Variants in GALNT17 observed in about 807,000 individuals in gnomAD.
GALNT17 encodes polypeptide N-acetylgalactosaminyltransferase 17.
GALNT17 carries 29 observed loss-of-function variants against 63.7 expected under a neutral mutation model. The ratio of observed to expected loss-of-function variants is 0.46; its 90% CI spans 0.34 to 0.62. GALNT17 has a LOEUF of 0.62. Ranked by LOEUF, GALNT17 falls within the 20% of genes least tolerant of loss-of-function variation. The probability of loss-of-function intolerance (pLI) is 0.01; values close to 1 mark genes in which losing one functional copy is unlikely to be tolerated. For synonymous variants in GALNT17, 305 were observed against 318.3 expected (o/e 0.96, Z 0.45); for missense variants, 603 against 799.6 (o/e 0.75, Z 2.97).
intron 2 of GALNT17, among the ~76,000 whole-genome samples, chr7:71,380,474 C>T (rs1792824284): frequency 6.6e-6 from 1 of 151,842 alleles, no homozygotes; most frequent in Non-Finnish European, 1.5e-5. Flanking sequence ...TAGCCAACAC[C>T]ACACCCGGCT....
At chr7:71,520,559 T>G (rs1396204457) in intron 5 of GALNT17, among the ~76,000 whole-genome samples, 1 of 151,788 alleles carries the variant, frequency 6.6e-6, no homozygotes, top group East Asian at 1.9e-4. Context: ...GAATGAGACC[T>G]CTGGGCAGAG....
intron 2 of GALNT17, among the ~76,000 whole-genome samples, chr7:71,377,352 G>T (rs375103251): frequency 4.8e-5 from 1 of 20,914 alleles, no homozygotes; most frequent in Non-Finnish European, 9.2e-5. Flanking sequence ...GTGAATATTC[G>T]GAGAATATTC....
chr7:71,593,259 C>CTTTT (rs56193714), intron 6 of GALNT17, among the ~76,000 whole-genome samples: 1 of 70,992 alleles, frequency 1.4e-5, no homozygotes, highest in African/African-American at 5.6e-5. Context: ...ATTTTTCTTC[C>CTTTT]TTTTTTTTTT....
intron 6 of GALNT17, among the ~76,000 whole-genome samples, chr7:71,630,117 G>A (rs1790434188): frequency 1.4e-5 from 2 of 139,530 alleles, no homozygotes; most frequent in African/African-American, 2.7e-5. Flanking sequence ...GGGCAATGCT[G>A]AGACTAAAGC....
intron 3 of GALNT17, among the ~76,000 whole-genome samples, chr7:71,406,236 T>G (rs1347018986): frequency 1.3e-5 from 2 of 152,148 alleles, no homozygotes; most frequent in Admixed American, 1.3e-4. Flanking sequence ...AAATAGTGAT[T>G]GTCAGCAGAA....
At chr7:71,154,336 G>C (rs572750484) in intron 1 of GALNT17, among the ~76,000 whole-genome samples, 1 of 152,268 alleles carries the variant, frequency 6.6e-6, no homozygotes, top group East Asian at 1.9e-4. Flanking sequence ...CATCTTTCCA[G>C]CCTCCCCAGC....
At chr7:71,230,639 G>A (rs1334103270) in intron 1 of GALNT17, among the ~76,000 whole-genome samples, 12 of 152,236 alleles carry the variant, frequency 7.9e-5, no homozygotes, top group Non-Finnish European at 1.3e-4. Flanking sequence ...GCACAGTGCC[G>A]CTTAAGGAGC....
At chr7:71,152,853 G>A (rs1202485087) in intron 1 of GALNT17, among the ~76,000 whole-genome samples, 7 of 151,918 alleles carry the variant, frequency 4.6e-5, no homozygotes, top group Admixed American at 2.0e-4. Flanking sequence ...GGCTGGTCTC[G>A]AACTCCTGAC....
At chr7:71,322,356 A>C (rs1338341296) in intron 1 of GALNT17, among the ~76,000 whole-genome samples, 1 of 152,190 alleles carries the variant, frequency 6.6e-6, no homozygotes, top group Non-Finnish European at 1.5e-5. Flanking sequence ...TAATACATGT[A>C]AGACATGTCA....
Position 71,420,917 on chromosome 7 carries a change from G to T in GALNT17, c.774G>T (p.Pro258=). The T allele has an allele frequency of 6.2e-7, 1 of 1,614,088 alleles. No individual in the cohort carries two copies. Among genetic ancestry groups the T allele is most frequent in the Non-Finnish European group, 8.5e-7 (1 of 1,180,000 alleles). ...TTTCTCTATGTTTCAGGGCTGAGCCGGTTCTATCCCGCATCCAGGAAAACC... is the reference window on the plus strand; with the variant it reads ...TTTCTCTATGTTTCAGGGCTGAGCCTGTTCTATCCCGCATCCAGGAAAACC... ...HVEFTAGWAE[P]VLSRIQENRK... Residue 258 remains proline, a synonymous_variant, in exon 5 of 11, where the codon CCG becomes CCT. Coordinates refer to ENST00000333538, the MANE Select transcript of GALNT17 (RefSeq NM_022479.3).
chr7:71,455,502 TTTTG>T (rs1787338505), intron 5 of GALNT17, among the ~76,000 whole-genome samples: 1 of 70,510 alleles, frequency 1.4e-5, no homozygotes, highest in Non-Finnish European at 4.6e-5. Flanking sequence ...TGTTTTTTGT[TTTTG>T]TTTTTTTTTT....
chr7:71,477,746 A>T (rs1333260277), intron 5 of GALNT17, among the ~76,000 whole-genome samples: 1 of 152,132 alleles, frequency 6.6e-6, no homozygotes, highest in African/African-American at 2.4e-5. Context: ...TGTGTTGAGG[A>T]ATAAAAAATT....
intron 1 of GALNT17, among the ~76,000 whole-genome samples, chr7:71,178,229 T>C (rs1326838475): frequency 2.0e-5 from 3 of 152,198 alleles, no homozygotes; most frequent in East Asian, 1.9e-4. Flanking sequence ...TTTAAAGATA[T>C]CATTCTGTAG....
At chr7:71,380,503 G>T (rs1026395952) in intron 2 of GALNT17, among the ~76,000 whole-genome samples, 6 of 151,874 alleles carry the variant, frequency 4.0e-5, no homozygotes, top group Non-Finnish European at 7.4e-5. Context: ...AAATGTTTTT[G>T]TAGCGATGGG....
chr7:71,166,157 G>T (rs73188441), intron 1 of GALNT17, among the ~76,000 whole-genome samples: 1 of 152,190 alleles, frequency 6.6e-6, no homozygotes, highest in Admixed American at 6.5e-5. Flanking sequence ...GGACGTTGGC[G>T]CTCAATGTAG....
chr7:71,457,953 G>A (rs1324506465), intron 5 of GALNT17, among the ~76,000 whole-genome samples: 1 of 152,072 alleles, frequency 6.6e-6, no homozygotes, highest in Non-Finnish European at 1.5e-5. Flanking sequence ...CAGAACAGCA[G>A]GCATCTCCAG....
intron 1 of GALNT17, among the ~76,000 whole-genome samples, chr7:71,292,680 T>A (rs1456681472): frequency 2.8e-4 from 41 of 147,058 alleles, no homozygotes; most frequent in African/African-American, 1.0e-3. Context: ...TGTGTGTGTG[T>A]GTGTGTGTGT....
At chr7:71,281,917 T>C (rs1436287275) in intron 1 of GALNT17, among the ~76,000 whole-genome samples, 1 of 152,198 alleles carries the variant, frequency 6.6e-6, no homozygotes, top group Non-Finnish European at 1.5e-5. Context: ...GCTCACCTGC[T>C]GGAGACAATT....
chr7:71,235,205 T>G (rs1026594901), intron 1 of GALNT17, among the ~76,000 whole-genome samples: 3 of 151,062 alleles, frequency 2.0e-5, no homozygotes, highest in Non-Finnish European at 2.9e-5. Flanking sequence ...GAGCCAAGAT[T>G]GCGCCATTGC....
Sources: gnomAD v4.1 joint callset for allele counts (sites outside exome capture counted in the v4.1 genomes callset) on GRCh38, gnomAD v4.1.1 for gene constraint, MANE v1.5 for transcripts, NCBI Gene and HGNC (gene_info 2026-07-23, HGNC 2026-07-21) for gene names.